Variants in MOV10L1 observed in about 807,000 individuals in gnomAD.
MOV10L1 encodes RNA helicase Mov10l1.
MOV10L1 carries 110 observed loss-of-function variants against 143.8 expected under a neutral mutation model. The ratio of observed to expected loss-of-function variants is 0.76; its 90% CI spans 0.66 to 0.90. The LOEUF (loss-of-function observed/expected upper bound fraction) is 0.90. MOV10L1 is among the 40% of genes least tolerant of loss of function. MOV10L1 has a pLI of 0.00. For missense variants in MOV10L1, 1,406 were observed against 1,526.8 expected, an observed-to-expected ratio of 0.92 and a Z score of 1.32; for synonymous variants, 593 against 581.1, an observed-to-expected ratio of 1.02 and a Z score of -0.29.
At chr22:50,149,417 G>A (rs908529762) in intron 19 of MOV10L1, 198 bp from the exon 20 acceptor site, 5 of 587,538 alleles carry the variant, frequency 8.5e-6, no homozygotes, top group Non-Finnish European at 1.5e-5. Flanking sequence ...ACTGGGTGCT[G>A]ATGTGGCTTA....
At chr22:50,117,910 C>A (rs956575435) in intron 9 of MOV10L1, among the ~76,000 whole-genome samples, 2 of 152,102 alleles carry the variant, frequency 1.3e-5, no homozygotes, top group Non-Finnish European at 2.9e-5. Flanking sequence ...CACGTGTTCT[C>A]TTCTGTAGTT....
At chr22:50,130,772 C>A (rs551718961) in intron 13 of MOV10L1, among the ~76,000 whole-genome samples, 2 of 152,306 alleles carry the variant, frequency 1.3e-5, no homozygotes, top group East Asian at 3.9e-4. Context: ...CTGCAGCCGA[C>A]GTCCAGGCCT....
intron 12 of MOV10L1, among the ~76,000 whole-genome samples, chr22:50,127,090 G>A (rs117241462): frequency 0.018 from 2,678 of 152,192 alleles, 37 homozygotes; most frequent in Middle Eastern, 0.034. Flanking sequence ...ACATGACCTC[G>A]CCAGCTCTCC....
At chr22:50,106,109 A>G (rs1381766124) in intron 3 of MOV10L1, among the ~76,000 whole-genome samples, 1 of 152,204 alleles carries the variant, frequency 6.6e-6, no homozygotes, top group East Asian at 1.9e-4. Context: ...CATAATGTCA[A>G]ATATTTCTCC....
At position 50,145,236 on chromosome 22, in the gene MOV10L1, C is replaced by G. The variant is rs141244442; in HGVS notation, c.2506-453C>G. ...AGATTACAGGCTTTAGCCACTGTGC[C>G]CAGCCTGAAATATTGCGTTTAAAAA... On this transcript the variant is annotated intron_variant, in intron 18 of 26. Transcript: ENST00000262794. Among the ~76,000 whole-genome samples, 9 of 152,324 alleles carry G rather than the reference C, an allele frequency of 5.9e-5. No homozygotes were observed. The East Asian group carries it at 1.5e-3, about 26-fold the overall frequency.
chr22:50,155,707 G>A (rs369209381), intron 22 of MOV10L1, among the ~76,000 whole-genome samples: 14 of 152,060 alleles, frequency 9.2e-5, no homozygotes, highest in African/African-American at 3.4e-4. Context: ...AACTCCTGAC[G>A]TCATGATCTG....
At position 50,133,455 on chromosome 22, in the gene MOV10L1, A is replaced by T. The variant is rs2062733014; in HGVS notation, c.1911-552A>T. The stretch of plus-strand genomic sequence containing the variant: ...GCCTAGGCAACAGAGCAGAGTCTCT[A>T]AAAAAAAAAAAAAAAAGAAAGAAAG... On this transcript the variant is annotated intron_variant, in intron 13 of 26. Coordinates refer to ENST00000262794, the MANE Select transcript of MOV10L1 (RefSeq NM_018995.3). Among the ~76,000 whole-genome samples the T allele has an allele frequency of 5.6e-5, 4 of 71,128 alleles. No individual in the cohort carries two copies. The South Asian group carries it at 1.2e-3, about 21-fold the overall frequency. 46.7% of individuals were successfully genotyped at this position (71,128 alleles called of 152,430 possible). A position where few individuals can be genotyped will look rare whatever the true frequency, so the allele number is the denominator to read the frequency against.
chr22:50,120,741 G>A (rs1000595423), intron 10 of MOV10L1, 125 bp downstream of exon 10: 2 of 694,252 alleles, frequency 2.9e-6, no homozygotes, highest in South Asian at 1.9e-5. Flanking sequence ...CAGGTAGCTG[G>A]GATAACGAGG....
rs1005893790 is a variant in MOV10L1, at chr22:50,150,649, T to C, written c.2728-86T>C. The C allele has an allele frequency of 7.6e-6, 11 of 1,443,090 alleles. No homozygotes were observed. In the South Asian group the frequency reaches 1.3e-4, roughly 16 times the overall value. The allele number at this position is 1,443,090 out of a possible 1,614,324, so 89.4% of individuals were successfully genotyped here. On this transcript the variant is annotated intron_variant, in intron 20 of 26. Coordinates refer to ENST00000262794, the MANE Select transcript of MOV10L1 (RefSeq NM_018995.3). ...AGCAAGAGTGAGCATGGGGCCATCCTGCGCACAGCCCCATTCCCACCTGAG... is the reference window on the plus strand; with the variant it reads ...AGCAAGAGTGAGCATGGGGCCATCCCGCGCACAGCCCCATTCCCACCTGAG...
At chr22:50,150,637 A>G (rs1488541322) in intron 20 of MOV10L1, 98 bp from the exon 21 acceptor site, 4 of 1,366,656 alleles carry the variant, frequency 2.9e-6, no homozygotes, top group South Asian at 1.3e-5. Flanking sequence ...AAGAGTGAGC[A>G]TGGGGCCATC....
chr22:50,152,893 T>C lies in MOV10L1; in HGVS notation c.2893-152T>C. ...GCTTGACCATCATCCAAGGGCTTGGTCTGGGGGCAGGCGACACACAGGGGC... is the reference window on the plus strand; with the variant it reads ...GCTTGACCATCATCCAAGGGCTTGGCCTGGGGGCAGGCGACACACAGGGGC... On this transcript the variant is annotated intron_variant, in intron 21 of 26. Transcript: ENST00000262794. The surrounding 1 kb of genome is among the most constrained non-coding windows in gnomAD (Gnocchi z 4.4). 2.9e-6 allele frequency: 2 copies of C among 701,154 alleles called. No homozygotes were observed. Among genetic ancestry groups the C allele is most frequent in the Non-Finnish European group, 4.8e-6 (2 of 415,850 alleles). The allele number at this position is 701,154 out of a possible 1,614,324, so 43.4% of individuals were successfully genotyped here.
intron 17 of MOV10L1, 182 bp downstream of exon 17, chr22:50,143,403 C>T: frequency 1.4e-6 from 1 of 703,594 alleles, no homozygotes; most frequent in East Asian, 2.8e-5. Flanking sequence ...AAGCTTATTT[C>T]ATAGGTTTAG....
rs1414691818 is a variant in MOV10L1 at position 50,134,020 on chromosome 22, C to T, written c.1924C>T (p.Arg642Trp). ...EFTYNRTTSR[R>W]CHFALEHVIH... ...TCTTTCCTGCAGGACCACAAGCAGA[C>T]GGTGTCACTTTGCACTTGAACACGT... Residue 642 changes from arginine (R) to tryptophan (W), a missense_variant, in exon 14 of 27, where the codon CGG (arginine) becomes TGG (tryptophan). Arg to Trp is a moderately radical substitution (Grantham distance 101). This residue lies in a region of MOV10L1 where 1,233 missense variants were observed against 1,351.4 expected (regional missense o/e 0.91). Transcript: ENST00000262794. 2 of 1,611,582 alleles carry T rather than the reference C, an allele frequency of 1.2e-6. No individual in the cohort carries two copies. The highest frequency in any genetic ancestry group is 2.2e-5 in the East Asian group (1 of 44,782).
chr22:50,106,363 A>C (rs537685869), intron 3 of MOV10L1, among the ~76,000 whole-genome samples: 2 of 110,202 alleles, frequency 1.8e-5, no homozygotes, highest in African/African-American at 6.7e-5. Flanking sequence ...ATGGGATCTT[A>C]CTGTGTTGCC....
Position 50,159,729 on chromosome 22 carries a change from G to C in MOV10L1, c.3268G>C (p.Val1090Leu). The C allele has an allele frequency of 1.2e-6, 2 of 1,613,662 alleles. No individual in the cohort carries two copies. Among genetic ancestry groups the C allele is most frequent in the South Asian group, 1.1e-5 (1 of 90,984 alleles). ...LRNVDLMDIK[V>L]GSVEEFQGQE... ...TAATGTTGATCTGATGGATATAAAG[G>C]TTGGATCAGTAGAGGAGTTTCAAGG... Residue 1090 changes from valine to leucine, a missense_variant, in exon 24 of 27, where the codon GTT becomes CTT. Transcript: ENST00000262794. This position sits in a 1 kb window ranked among gnomAD's most constrained non-coding sequence, Gnocchi z 4.1.
intron 2 of MOV10L1, among the ~76,000 whole-genome samples, chr22:50,098,232 A>G (rs983306458): frequency 2.7e-5 from 4 of 150,408 alleles, no homozygotes; most frequent in African/African-American, 9.7e-5. Flanking sequence ...TAAGATTAAC[A>G]TCTTAATAAT....
intron 15 of MOV10L1, 71 bp downstream of exon 15, chr22:50,134,701 G>A: frequency 7.4e-7 from 1 of 1,352,332 alleles, no homozygotes; most frequent in Non-Finnish European, 1.1e-6. Context: ...TACATAGGGG[G>A]TGGCTCAGCG....
At chr22:50,122,716 G>A (rs970778906) in intron 10 of MOV10L1, among the ~76,000 whole-genome samples, 1 of 136,468 alleles carries the variant, frequency 7.3e-6, no homozygotes, top group Admixed American at 8.1e-5. Flanking sequence ...TCATTTTGAG[G>A]TGATGGTTTT....
chr22:50,125,048 T>C (rs1013584206), intron 10 of MOV10L1, among the ~76,000 whole-genome samples: 8 of 152,258 alleles, frequency 5.3e-5, no homozygotes, highest in Non-Finnish European at 7.3e-5. Context: ...TTGTCCTTTT[T>C]TCACAGATGT....
Sources: allele counts gnomAD v4.1 joint callset (sites outside exome capture counted in the v4.1 genomes callset), GRCh38; gene constraint gnomAD v4.1.1; regional missense constraint gnomAD v4.1.1; non-coding constraint Gnocchi (gnomAD v3.1); transcripts MANE v1.5; gene names NCBI Gene and HGNC (gene_info 2026-07-23, HGNC 2026-07-21).